RNF181: variants seen among roughly 807,000 people sequenced by gnomAD.
RNF181 encodes E3 ubiquitin-protein ligase RNF181.
RNF181 carries 25 observed loss-of-function variants against 23.3 expected under a neutral mutation model. That is an observed-to-expected ratio of 1.07 (90% CI 0.78 to 1.50). RNF181 has a LOEUF of 1.50. RNF181 is among the 40% of genes most tolerant of loss of function. The pLI, the probability that RNF181 is intolerant of heterozygous loss-of-function variation, is 0.00. For synonymous variants in RNF181, 62 were observed against 70.9 expected (o/e 0.87, Z 0.63); for missense variants, 167 against 191.1 (o/e 0.87, Z 0.74).
Position 85,595,745 on chromosome 2 carries a change from G to T in RNF181, c.-19G>T. On this transcript the variant is annotated 5_prime_UTR_variant, in exon 1 of 5. Coordinates refer to ENST00000306368, the MANE Select transcript of RNF181 (RefSeq NM_016494.4). Reference sequence around the variant, plus strand: ...CTATCGAGCAGGGTCCGAGGGCTGTGTCAGAAGGCTGGGCAGCCATGGCGT... The same window carrying T: ...CTATCGAGCAGGGTCCGAGGGCTGTTTCAGAAGGCTGGGCAGCCATGGCGT... 5 of 1,611,876 alleles carry T rather than the reference G, an allele frequency of 3.1e-6. No homozygotes were observed. The highest frequency in any genetic ancestry group is 4.2e-6 in the Non-Finnish European group (5 of 1,178,780).
chr2:85,597,418 C>T, intron 4 of RNF181, 27 bp from the exon 5 acceptor site: 4 of 1,593,886 alleles, frequency 2.5e-6, no homozygotes, highest in Non-Finnish European at 8.5e-7. Flanking sequence ...GTTTTGGCCC[C>T]TGCCCAGCAT....
At chr2:85,597,351 C>A in intron 4 of RNF181, 94 bp from the exon 5 acceptor site, 1 of 1,481,228 alleles carries the variant, frequency 6.8e-7, no homozygotes. Flanking sequence ...ACGCCAGAGG[C>A]CTGAAAACAG....
chr2:85,596,550 T>G lies in RNF181; in HGVS notation c.118T>G (p.Leu40Val). ...TTTCAATAGGATGGACTTTGAAGAC[T>G]TGGGGTTGGTAGTAGATTGGGACCA... ...SLFNRMDFED[L>V]GLVVDWDHHL... Residue 40 changes from leucine (L) to valine (V), a missense_variant, in exon 2 of 5, where the codon TTG becomes GTG. Transcript: ENST00000306368. 1 of 1,613,266 alleles carries G rather than the reference T, an allele frequency of 6.2e-7. No individual in the cohort carries two copies. The highest frequency in any genetic ancestry group is 1.1e-5 in the South Asian group (1 of 90,952).
chr2:85,597,662 C>A lies in RNF181; in HGVS notation c.*158C>A. ...CTCTACTTCTGTTGGGGAAGGTGATCCTAAATCGCAGAAGGCACCAGGCTG... is the reference window on the plus strand; with the variant it reads ...CTCTACTTCTGTTGGGGAAGGTGATACTAAATCGCAGAAGGCACCAGGCTG... On this transcript the variant is annotated 3_prime_UTR_variant, in exon 5 of 5. Transcript: ENST00000306368. The A allele has an allele frequency of 7.2e-7, 1 of 1,380,636 alleles. No homozygotes were observed. Among genetic ancestry groups the A allele is most frequent in the Non-Finnish European group, 9.5e-7 (1 of 1,053,116 alleles). The allele number at this position is 1,380,636 out of a possible 1,614,324, so 85.5% of individuals were successfully genotyped here. A position where few individuals can be genotyped will look rare whatever the true frequency, so the allele number is the denominator to read the frequency against.
At chr2:85,596,145 G>A (rs1672668538) in intron 1 of RNF181, among the ~76,000 whole-genome samples, 1 of 152,044 alleles carries the variant, frequency 6.6e-6, no homozygotes, top group African/African-American at 2.4e-5. Context: ...TGAGGCATGG[G>A]GGCGGGGTTG....
Position 85,597,188 on chromosome 2 carries a change from G to T in RNF181, c.402+10G>T. On this transcript the variant is annotated intron_variant, in intron 4 of 4. Transcript: ENST00000306368. Reference sequence around the variant, plus strand: ...GCACAGACGAGATAAGGTAGGGGCTGATGCTTAAGTGGAGGGGTCGTAATG... The same window carrying T: ...GCACAGACGAGATAAGGTAGGGGCTTATGCTTAAGTGGAGGGGTCGTAATG... 3 of 1,606,216 alleles carry T rather than the reference G, an allele frequency of 1.9e-6. No individual in the cohort carries two copies. The highest frequency in any genetic ancestry group is 2.6e-6 in the Non-Finnish European group (3 of 1,174,464).
chr2:85,596,669 C>T lies in RNF181; in HGVS notation c.217+20C>T, dbSNP rs1672678071. ...AGGCTGGTGAGGACACTGATTCTTT[C>T]TGCTATTTGGGCCAGACCCACCCCT... is the stretch of plus-strand genomic sequence containing the variant. On this transcript the variant is annotated intron_variant, in intron 2 of 4. Transcript: ENST00000306368. 1 of 1,613,014 alleles carries T rather than the reference C, an allele frequency of 6.2e-7. No individual in the cohort carries two copies. Among genetic ancestry groups the T allele is most frequent in the African/African-American group, 1.3e-5 (1 of 74,892 alleles).
chr2:85,597,349 G>A lies in RNF181; in HGVS notation c.403-96G>A. 2.7e-6 allele frequency: 4 copies of A among 1,476,616 alleles called. No homozygotes were observed. The South Asian group carries it at 5.3e-5, about 20-fold the overall frequency. The allele number at this position is 1,476,616 out of a possible 1,614,324, so 91.5% of individuals were successfully genotyped here. On this transcript the variant is annotated intron_variant, in intron 4 of 4. Transcript: ENST00000306368. ...GAGCCTCAGCAATGCAGACGCCAGA[G>A]GCCTGAAAACAGAGCCAGCCCCATA...
intron 3 of RNF181, 82 bp from the exon 4 acceptor site, chr2:85,597,022 A>G: frequency 6.2e-7 from 1 of 1,614,140 alleles, no homozygotes; most frequent in Non-Finnish European, 8.5e-7. Flanking sequence ...ATGGAAGAAG[A>G]GTGGCAGTTG....
At chr2:85,596,480 T>C (rs751900823) in intron 1 of RNF181, 39 bp from the exon 2 acceptor site, 1 of 1,551,404 alleles carries the variant, frequency 6.4e-7, no homozygotes. Flanking sequence ...AGAAAAAGCA[T>C]AGTTTTCCTT....
At position 85,596,943 on chromosome 2, in the gene RNF181, C is replaced by T; in HGVS notation, c.327+12C>T. 1 of 1,614,084 alleles carries T rather than the reference C, an allele frequency of 6.2e-7. No individual in the cohort carries two copies. The highest frequency in any genetic ancestry group is 8.5e-7 in the Non-Finnish European group (1 of 1,180,010). ...CCTGGCTAAGCAAGGTACTGCTTCT[C>T]TTCTTCTAGCTCTCACCGTGCCCTG... On this transcript the variant is annotated intron_variant, in intron 3 of 4. Coordinates refer to ENST00000306368, the MANE Select transcript of RNF181 (RefSeq NM_016494.4).
At chr2:85,597,248 C>A (rs760250442) in intron 4 of RNF181, 70 bp downstream of exon 4, 1 of 1,444,190 alleles carries the variant, frequency 6.9e-7, no homozygotes, top group East Asian at 2.3e-5. Flanking sequence ...GCCATCACTT[C>A]CCACCTCAGC....
In RNF181 at chr2:85,596,860, G is replaced by A; in HGVS notation, c.256G>A (p.Glu86Lys). ...CGTGTGTCTTTTGGAATTTGAGGAG[G>A]AGGAGACTGCCATTGAGATGCCTTG... is the stretch of plus-strand genomic sequence containing the variant. ...CPVCLLEFEE[E>K]ETAIEMPCHH... The change falls in exon 3 of 5, where the codon GAG (glutamate) becomes AAG (lysine). Residue 86 changes from glutamate (E) to lysine (K), a missense_variant. By Grantham distance (56) the Glu-to-Lys change is moderately conservative (BLOSUM62 1). Coordinates refer to ENST00000306368, the MANE Select transcript of RNF181 (RefSeq NM_016494.4). The A allele has an allele frequency of 6.2e-7, 1 of 1,614,214 alleles. No homozygotes were observed. Among genetic ancestry groups the A allele is most frequent in the Non-Finnish European group, 8.5e-7 (1 of 1,180,034 alleles).
At position 85,597,489 on chromosome 2, in the gene RNF181, A is replaced by T. The variant is rs1558827877; in HGVS notation, c.447A>T (p.Gly149=). Residue 149 remains glycine (G), a synonymous_variant, in exon 5 of 5, where the codon GGA becomes GGT. Transcript: ENST00000306368. The part of the protein sequence containing the change: ...QQQHRLENLH[G]AMYT ...AACACCGACTGGAGAACCTCCATGG[A>T]GCCATGTACACGTGAGGAGGTTGGG... is the stretch of plus-strand genomic sequence containing the variant. The T allele has an allele frequency of 1.2e-6, 2 of 1,613,282 alleles. No individual in the cohort carries two copies. The highest frequency in any genetic ancestry group is 1.1e-5 in the South Asian group (1 of 90,998).
At chr2:85,596,680 G>T (rs1244142059) in intron 2 of RNF181, 31 bp downstream of exon 2, 2 of 1,613,670 alleles carry the variant, frequency 1.2e-6, no homozygotes, top group South Asian at 1.1e-5. Context: ...TGCTATTTGG[G>T]CCAGACCCAC....
At chr2:85,596,707 A>G in intron 2 of RNF181, 58 bp downstream of exon 2, 1 of 1,613,616 alleles carries the variant, frequency 6.2e-7, no homozygotes, top group Non-Finnish European at 8.5e-7. Flanking sequence ...CCCAAGCCAG[A>G]CTGTGGTCTG....
At chr2:85,597,309 T>C (rs1253621610) in intron 4 of RNF181, 131 bp downstream of exon 4, 5 of 1,399,398 alleles carry the variant, frequency 3.6e-6, no homozygotes, top group South Asian at 2.7e-5. Context: ...TCTTAGTGAC[T>C]TTGATTTGTG....
rs748669765 is a variant in RNF181, at chr2:85,597,448, C to G, written c.406C>G (p.Arg136Gly). 8.1e-6 allele frequency: 13 copies of G among 1,608,962 alleles called. No homozygotes were observed. In the South Asian group the frequency reaches 8.8e-5, roughly 11 times the overall value. Reference protein sequence around the residue: ...TYEEHRRDKARKQQQQHRLEN... With the variant: ...TYEEHRRDKAGKQQQQHRLEN... ...CAGCATGCCTTCTTTCCTTCAGGCTCGAAAACAGCAGCAGCAACACCGACT... is the reference window on the plus strand; with the variant it reads ...CAGCATGCCTTCTTTCCTTCAGGCTGGAAAACAGCAGCAGCAACACCGACT... Residue 136 changes from arginine to glycine, a missense_variant, in exon 5 of 5, where the codon CGA (arginine) becomes GGA (glycine). By Grantham distance (125) the Arg-to-Gly change is moderately radical. Coordinates refer to ENST00000306368, the MANE Select transcript of RNF181 (RefSeq NM_016494.4).
chr2:85,596,862 G>C lies in RNF181; in HGVS notation c.258G>C (p.Glu86Asp). ...CPVCLLEFEE[E>D]ETAIEMPCHH... is the part of the protein sequence containing the mutation. ...TGTGTCTTTTGGAATTTGAGGAGGA[G>C]GAGACTGCCATTGAGATGCCTTGCC... The change falls in exon 3 of 5, where the codon GAG becomes GAC. Residue 86 changes from glutamate (E) to aspartate (D), a missense_variant. Glu to Asp is a conservative substitution (Grantham distance 45). Transcript: ENST00000306368. 1 of 1,614,230 alleles carries C rather than the reference G, an allele frequency of 6.2e-7. No homozygotes were observed. The highest frequency in any genetic ancestry group is 8.5e-7 in the Non-Finnish European group (1 of 1,180,038).
Sources: gnomAD v4.1 joint callset for allele counts (sites outside exome capture counted in the v4.1 genomes callset) on GRCh38, gnomAD v4.1.1 for gene constraint, MANE v1.5 for transcripts, NCBI Gene and HGNC (gene_info 2026-07-23, HGNC 2026-07-21) for gene names.